MROH9: variants seen among roughly 807,000 people sequenced by gnomAD.
MROH9 encodes maestro heat-like repeat-containing protein family member 9.
Under a neutral mutation model 98.2 loss-of-function variants are expected in MROH9, and 92 were observed. The ratio of observed to expected loss-of-function variants is 0.94; its 90% CI spans 0.79 to 1.11. MROH9 has a LOEUF of 1.11. Among genes scored for constraint, MROH9 ranks in the 50% most tolerant of loss-of-function variants. The pLI, the probability that MROH9 is intolerant of heterozygous loss-of-function variation, is 0.00. For synonymous variants in MROH9, 397 were observed against 368.9 expected (o/e 1.08, Z -0.87); for missense variants, 1,057 against 1,014.8 (o/e 1.04, Z -0.57).
rs918337730 is a variant in MROH9, at chr1:171,014,342, G to T, written c.1734+88G>T. ...ACTTAACATCTTCACTGACAAAGCG[G>T]TGATATTTTTCAGTCTCTATATAAC... On this transcript the variant is annotated intron_variant, in intron 16 of 21. Coordinates refer to ENST00000367759, the MANE Select transcript of MROH9 (RefSeq NM_001163629.2). 21 of 1,279,642 alleles carry T rather than the reference G, an allele frequency of 1.6e-5. No individual in the cohort carries two copies. In the African/African-American group the frequency reaches 2.8e-4, roughly 17 times the overall value. The allele number at this position is 1,279,642 out of a possible 1,614,324, so 79.3% of individuals were successfully genotyped here.
chr1:171,005,783 C>T (rs3866352), intron 15 of MROH9, among the ~76,000 whole-genome samples: 2,144 of 152,204 alleles, frequency 0.014, 22 homozygotes, highest in Non-Finnish European at 0.022. Context: ...AATGTCTGTC[C>T]AGGACTTAAA....
At chr1:170,997,838 A>G (rs1006226493) in intron 14 of MROH9, among the ~76,000 whole-genome samples, 7 of 152,212 alleles carry the variant, frequency 4.6e-5, no homozygotes, top group African/African-American at 1.7e-4. Flanking sequence ...ACTAAGCACT[A>G]GATTTTTATT....
At chr1:171,024,004 T>G (rs563661960) in intron 17 of MROH9, among the ~76,000 whole-genome samples, 1 of 152,272 alleles carries the variant, frequency 6.6e-6, no homozygotes, top group South Asian at 2.1e-4. Flanking sequence ...TCATGCAATA[T>G]TTGTCTTTCT....
At chr1:171,030,729 G>T (rs2101848443) in intron 20 of MROH9, among the ~76,000 whole-genome samples, 1 of 152,330 alleles carries the variant, frequency 6.6e-6, no homozygotes, top group African/African-American at 2.4e-5. Flanking sequence ...TTTAGAATCA[G>T]TGCCATGTGG....
intron 12 of MROH9, among the ~76,000 whole-genome samples, chr1:170,995,024 C>T (rs1651506807): frequency 6.6e-6 from 1 of 151,914 alleles, no homozygotes; most frequent in South Asian, 2.1e-4. Flanking sequence ...ATCTCACTTC[C>T]TTGTATTGTT....
At chr1:170,978,933 T>C (rs912487971) in intron 8 of MROH9, among the ~76,000 whole-genome samples, 6 of 152,156 alleles carry the variant, frequency 3.9e-5, no homozygotes, top group Non-Finnish European at 7.4e-5. Flanking sequence ...GGGAGGTCTG[T>C]CCCAGGGAGT....
chr1:170,973,778 G>A (rs1650572117), intron 8 of MROH9, among the ~76,000 whole-genome samples: 2 of 152,158 alleles, frequency 1.3e-5, no homozygotes, highest in Admixed American at 1.3e-4. Context: ...AGGAGGCTGA[G>A]ACAGGAGAAT....
chr1:171,040,426 C>A lies in MROH9; in HGVS notation c.2281+15006C>A, dbSNP rs576638977. Reference sequence around the variant, plus strand: ...ATACAACACATTTGTGTGTGTTACACACAAAAAGGGTAACTATGTGAGATG... The same window carrying A: ...ATACAACACATTTGTGTGTGTTACAAACAAAAAGGGTAACTATGTGAGATG... On this transcript the variant is annotated intron_variant, in intron 20 of 21. Transcript: ENST00000367759. Among the ~76,000 whole-genome samples the A allele has an allele frequency of 2.9e-4, 44 of 152,128 alleles. No homozygotes were observed. The South Asian group carries it at 8.7e-3, about 30-fold the overall frequency.
intron 8 of MROH9, among the ~76,000 whole-genome samples, chr1:170,980,506 A>C (rs570343171): frequency 6.6e-6 from 1 of 152,306 alleles, no homozygotes; most frequent in East Asian, 1.9e-4. Flanking sequence ...CCTGACAAAA[A>C]CAAACAATGG....
At chr1:170,971,973 T>C (rs1650478848) in intron 8 of MROH9, 90 bp downstream of exon 8, 1 of 1,350,276 alleles carries the variant, frequency 7.4e-7, no homozygotes, top group Non-Finnish European at 1.0e-6. Flanking sequence ...TCTACGTCTG[T>C]TAATTTCTAA....
intron 20 of MROH9, among the ~76,000 whole-genome samples, chr1:171,034,035 CA>C (rs777773406): frequency 1.6e-4 from 24 of 151,402 alleles, no homozygotes; most frequent in Admixed American, 3.3e-4. Flanking sequence ...TGCATTCAGA[CA>C]AAAAAAATTA....
chr1:170,987,770 T>C (rs1651207278), intron 10 of MROH9, among the ~76,000 whole-genome samples: 1 of 152,190 alleles, frequency 6.6e-6, no homozygotes, highest in Non-Finnish European at 1.5e-5. Context: ...CTTTTAAAAT[T>C]TCAATTTTTA....
intron 8 of MROH9, among the ~76,000 whole-genome samples, chr1:170,981,370 T>C (rs1390638924): frequency 6.6e-6 from 1 of 152,088 alleles, no homozygotes; most frequent in African/African-American, 2.4e-5. Flanking sequence ...CAAATGCCTA[T>C]CCATGATAGA....
At chr1:171,063,346 G>A (rs1205041548) in intron 21 of MROH9, among the ~76,000 whole-genome samples, 2 of 144,370 alleles carry the variant, frequency 1.4e-5, no homozygotes, top group African/African-American at 2.6e-5. Context: ...TCTGCCTCCT[G>A]GGTTCCAGTG....
rs544872446 is a variant in MROH9 at position 170,977,324 on chromosome 1, G to A, written c.616+5441G>A. 3.3e-5 allele frequency among the ~76,000 whole-genome samples: 5 copies of A among 152,264 alleles called. No individual in the cohort carries two copies. In the South Asian group the frequency reaches 1.0e-3, roughly 32 times the overall value. ...GACACAAGACACTCTAGCTATTTGA[G>A]TTACTCATTCTTTCTCAGTTCGGCA... On this transcript the variant is annotated intron_variant, in intron 8 of 21. Transcript: ENST00000367759.
chr1:171,014,477 C>A (rs927158511), intron 16 of MROH9, among the ~76,000 whole-genome samples: 1 of 145,844 alleles, frequency 6.9e-6, no homozygotes, highest in Non-Finnish European at 1.5e-5. Flanking sequence ...TTTTTTTTTA[C>A]AGAAAATCAT....
chr1:171,054,009 TA>T (rs1416674572), intron 20 of MROH9, among the ~76,000 whole-genome samples: 1 of 152,082 alleles, frequency 6.6e-6, no homozygotes, highest in East Asian at 1.9e-4. Context: ...TAAGTTTGGA[TA>T]AAAGGAAATG....
Position 171,001,495 on chromosome 1 carries a change from G to A in MROH9, c.1596+3221G>A, listed in dbSNP as rs151061550. On this transcript the variant is annotated intron_variant, in intron 15 of 21. Coordinates refer to ENST00000367759, the MANE Select transcript of MROH9 (RefSeq NM_001163629.2). ...TTTTTTAAATTTCCATCTTGATTTC[G>A]TTTTTGACCCAATGCTCATTCAGGA... 4.7e-4 allele frequency among the ~76,000 whole-genome samples: 72 copies of A among 152,036 alleles called. 1 individual carries two copies. The highest frequency in any genetic ancestry group is 3.4e-3 in the Middle Eastern group (1 of 294).
chr1:170,944,907 T>C (rs1250972844), intron 1 of MROH9, among the ~76,000 whole-genome samples: 1 of 152,062 alleles, frequency 6.6e-6, no homozygotes, highest in Non-Finnish European at 1.5e-5. Context: ...GAAATCATTC[T>C]CATGATTATG....
Sources: gnomAD v4.1 joint callset for allele counts (sites outside exome capture counted in the v4.1 genomes callset) on GRCh38, gnomAD v4.1.1 for gene constraint, MANE v1.5 for transcripts, NCBI Gene and HGNC (gene_info 2026-07-23, HGNC 2026-07-21) for gene names.